Variants in KCNJ2 observed in about 807,000 individuals in gnomAD.
KCNJ2 encodes potassium inwardly rectifying channel subfamily J member 2.
In KCNJ2, 12 loss-of-function variants were observed where a neutral mutation model predicts 28.4. That is an observed-to-expected ratio of 0.42 (90% CI 0.27 to 0.68). The LOEUF (loss-of-function observed/expected upper bound fraction) is 0.68, where lower values mean the gene tolerates loss of function less well. Among genes scored for constraint, KCNJ2 ranks in the 30% least tolerant of loss-of-function variants. The pLI, the probability that KCNJ2 is intolerant of heterozygous loss-of-function variation, is 0.23. For synonymous variants in KCNJ2, 200 were observed against 203.2 expected, an observed-to-expected ratio of 0.98 and a Z score of 0.13; for missense variants, 320 against 551.3, an observed-to-expected ratio of 0.58 and a Z score of 4.20.
At chr17:70,169,868 A>T (rs2074355407) in intron 1 of KCNJ2, among the ~76,000 whole-genome samples, 167 bp downstream of exon 1, 1 of 152,052 alleles carries the variant, frequency 6.6e-6, no homozygotes, top group African/African-American at 2.4e-5. Flanking sequence ...TCATGCCTAT[A>T]TAGTTTGTGT....
chr17:70,172,230 C>G (rs534340270), intron 1 of KCNJ2, among the ~76,000 whole-genome samples: 1 of 138,116 alleles, frequency 7.2e-6, no homozygotes, highest in South Asian at 2.3e-4. Flanking sequence ...AGTCTGCATA[C>G]ATATATGTGT....
At position 70,176,370 on chromosome 17, in the gene KCNJ2, T is replaced by TGGTCAGAG. The variant is rs757826584; in HGVS notation, c.*49_*56dup. 1 of 1,565,878 alleles carries TGGTCAGAG rather than the reference T, an allele frequency of 6.4e-7. No individual in the cohort carries two copies. Among genetic ancestry groups the TGGTCAGAG allele is most frequent in the East Asian group, 2.2e-5 (1 of 44,654 alleles). Reference sequence around the variant, plus strand: ...ATAGTTACTTTACAACACGGTCTGTTGGTCAGAGGCCCAAAACAGTTATAC... The same window carrying TGGTCAGAG: ...ATAGTTACTTTACAACACGGTCTGTTGGTCAGAGGGTCAGAGGCCCAAAACAGTTATAC... On this transcript the variant is annotated 3_prime_UTR_variant, in exon 2 of 2. Transcript: ENST00000243457.
At chr17:70,173,317 T>C (rs236513) in intron 1 of KCNJ2, among the ~76,000 whole-genome samples, 25,153 of 152,194 alleles carry the variant, frequency 0.17, 2,374 homozygotes, top group African/African-American at 0.25. Flanking sequence ...TGTTTAATCT[T>C]AATGGATTTA....
At chr17:70,173,372 A>G (rs1287206527) in intron 1 of KCNJ2, among the ~76,000 whole-genome samples, 2 of 152,154 alleles carry the variant, frequency 1.3e-5, no homozygotes, top group Non-Finnish European at 2.9e-5. Flanking sequence ...GCATCAACAA[A>G]TTTCTGACTC....
rs1008031414 is a variant in KCNJ2 at position 70,178,609 on chromosome 17, C to A, written c.*2286C>A. 2 of 140,856 alleles carry A rather than the reference C, an allele frequency of 1.4e-5. No homozygotes were observed. The highest frequency in any genetic ancestry group is 6.3e-5 in the African/African-American group (2 of 31,928). The allele number at this position is 140,856 out of a possible 1,614,324, so 8.7% of individuals were successfully genotyped here. A position where few individuals can be genotyped will look rare whatever the true frequency, so the allele number is the denominator to read the frequency against. The stretch of plus-strand genomic sequence containing the variant: ...ACAAAAGAGGCTCCCCCTAAACACA[C>A]AGTGCTGCCACTTAAAAAGACTTGA... On this transcript the variant is annotated 3_prime_UTR_variant, in exon 2 of 2. Coordinates refer to ENST00000243457, the MANE Select transcript of KCNJ2 (RefSeq NM_000891.3).
In KCNJ2 at chr17:70,175,639, G is replaced by T. The variant is rs774551339; in HGVS notation, c.600G>T (p.Val200=). The T allele has an allele frequency of 1.9e-6, 3 of 1,614,104 alleles. No individual in the cohort carries two copies. Among genetic ancestry groups the T allele is most frequent in the Non-Finnish European group, 2.5e-6 (3 of 1,180,044 alleles). Residue 200 remains valine, a synonymous_variant, in exon 2 of 2, where the codon GTG becomes GTT. Coordinates refer to ENST00000243457, the MANE Select transcript of KCNJ2 (RefSeq NM_000891.3). This position sits in a 1 kb window ranked among gnomAD's most constrained non-coding sequence, Gnocchi z 8.3. Reference sequence around the variant, plus strand: ...CTCTTGTCTTCAGTCACAATGCCGTGATTGCCATGAGAGACGGCAAGCTGT... The same window carrying T: ...CTCTTGTCTTCAGTCACAATGCCGTTATTGCCATGAGAGACGGCAAGCTGT... ...NETLVFSHNA[V]IAMRDGKLCL...
rs1253551950 is a variant in KCNJ2 at position 70,179,790 on chromosome 17, TG to T, written c.*3469del. 6.0e-6 allele frequency: 1 copy of T among 166,916 alleles called. No homozygotes were observed. Among genetic ancestry groups the T allele is most frequent in the Non-Finnish European group, 1.5e-5 (1 of 68,102 alleles). The allele number at this position is 166,916 out of a possible 1,614,324, so 10.3% of individuals were successfully genotyped here. ...TGTTAAGGTGGGAAAAAAAAAAGTG[TG>T]GCATAGCTACCTGCCCATCCCCAAC... On this transcript the variant is annotated 3_prime_UTR_variant, in exon 2 of 2. Transcript: ENST00000243457.
At chr17:70,174,407 A>G (rs762894400) in intron 1 of KCNJ2, among the ~76,000 whole-genome samples, 1 of 152,214 alleles carries the variant, frequency 6.6e-6, no homozygotes, top group Non-Finnish European at 1.5e-5. Flanking sequence ...TTTTCTAAAC[A>G]TGTCCTTTTT....
intron 1 of KCNJ2, among the ~76,000 whole-genome samples, chr17:70,170,110 C>T (rs2074356967): frequency 6.6e-6 from 1 of 151,340 alleles, no homozygotes; most frequent in Admixed American, 6.6e-5. Flanking sequence ...CGTCTTGAGC[C>T]CTGGTCTTAA....
Position 70,176,523 on chromosome 17 carries a change from C to A in KCNJ2, c.*200C>A. The A allele has an allele frequency of 1.6e-6, 1 of 634,812 alleles. No individual in the cohort carries two copies. The allele number at this position is 634,812 out of a possible 1,614,324, so 39.3% of individuals were successfully genotyped here. On this transcript the variant is annotated 3_prime_UTR_variant, in exon 2 of 2. Coordinates refer to ENST00000243457, the MANE Select transcript of KCNJ2 (RefSeq NM_000891.3). The stretch of plus-strand genomic sequence containing the variant: ...AGCACTAACCATGTCTCCATGTGAC[C>A]CGATGGCACATAGATGTTGTAGAAT...
Position 70,176,510 on chromosome 17 carries a change from G to A in KCNJ2, c.*187G>A, listed in dbSNP as rs1465094188. Reference sequence around the variant, plus strand: ...ATGATTAGCATAAAGCACTAACCATGTCTCCATGTGACCCGATGGCACATA... The same window carrying A: ...ATGATTAGCATAAAGCACTAACCATATCTCCATGTGACCCGATGGCACATA... On this transcript the variant is annotated 3_prime_UTR_variant, in exon 2 of 2. Transcript: ENST00000243457. 3.0e-6 allele frequency: 2 copies of A among 656,000 alleles called. No homozygotes were observed. The highest frequency in any genetic ancestry group is 1.7e-5 in the South Asian group (1 of 57,526). 40.6% of individuals were successfully genotyped at this position (656,000 alleles called of 1,614,324 possible). A position where few individuals can be genotyped will look rare whatever the true frequency, so the allele number is the denominator to read the frequency against.
chr17:70,179,642 C>T lies in KCNJ2; in HGVS notation c.*3319C>T, dbSNP rs1011120068. ...TCTGTTTATTTGATGAGTTCTGTCC[C>T]GTAAATCATATTTCCCTTACAATTA... On this transcript the variant is annotated 3_prime_UTR_variant, in exon 2 of 2. Coordinates refer to ENST00000243457, the MANE Select transcript of KCNJ2 (RefSeq NM_000891.3). The T allele has an allele frequency of 1.8e-5, 3 of 166,254 alleles. No individual in the cohort carries two copies. Among genetic ancestry groups the T allele is most frequent in the Non-Finnish European group, 4.4e-5 (3 of 68,058 alleles). 10.3% of individuals were successfully genotyped at this position (166,254 alleles called of 1,614,324 possible). A position where few individuals can be genotyped will look rare whatever the true frequency, so the allele number is the denominator to read the frequency against.
In KCNJ2 at chr17:70,177,364, T is replaced by G. The variant is rs2074400519; in HGVS notation, c.*1041T>G. On this transcript the variant is annotated 3_prime_UTR_variant, in exon 2 of 2. Transcript: ENST00000243457. Reference sequence around the variant, plus strand: ...TCATGTGTAGTGTGCGAGATGGTGATGTACTCTTATATTTTTCTGGGCTTT... The same window carrying G: ...TCATGTGTAGTGTGCGAGATGGTGAGGTACTCTTATATTTTTCTGGGCTTT... 6.0e-6 allele frequency: 1 copy of G among 167,106 alleles called. No individual in the cohort carries two copies. Among genetic ancestry groups the G allele is most frequent in the Non-Finnish European group, 1.5e-5 (1 of 68,146 alleles). 10.4% of individuals were successfully genotyped at this position (167,106 alleles called of 1,614,324 possible). A position where few individuals can be genotyped will look rare whatever the true frequency, so the allele number is the denominator to read the frequency against.
At position 70,175,361 on chromosome 17, in the gene KCNJ2, C is replaced by G. The variant is rs371331394; in HGVS notation, c.322C>G (p.Leu108Val). ...TGGCTGTGTGTTTTGGTTGATAGCTCTGCTCCATGGGGACCTGGATGCATC... is the reference window on the plus strand; with the variant it reads ...TGGCTGTGTGTTTTGGTTGATAGCTGTGCTCCATGGGGACCTGGATGCATC... The part of the protein sequence containing the change: ...FFGCVFWLIA[L>V]LHGDLDASKE... Residue 108 changes from leucine to valine, a missense_variant, in exon 2 of 2, where the codon CTG becomes GTG. By Grantham distance (32) the Leu-to-Val change is conservative. Transcript: ENST00000243457. The surrounding 1 kb of genome is among the most constrained non-coding windows in gnomAD (Gnocchi z 8.3). 3 of 1,614,056 alleles carry G rather than the reference C, an allele frequency of 1.9e-6. No individual in the cohort carries two copies. The highest frequency in any genetic ancestry group is 3.3e-5 in the Admixed American group (2 of 59,990).
At position 70,175,036 on chromosome 17, in the gene KCNJ2, A is replaced by C. The variant is rs1392753849; in HGVS notation, c.-4A>C. 2 of 1,613,854 alleles carry C rather than the reference A, an allele frequency of 1.2e-6. No homozygotes were observed. The highest frequency in any genetic ancestry group is 1.7e-6 in the Non-Finnish European group (2 of 1,179,870). ...CAGAAGCACTGGAGTCCCCAGCAGA[A>C]GCGATGGGCAGTGTGCGAACCAACC... On this transcript the variant is annotated 5_prime_UTR_variant, in exon 2 of 2. Coordinates refer to ENST00000243457, the MANE Select transcript of KCNJ2 (RefSeq NM_000891.3). This position sits in a 1 kb window ranked among gnomAD's most constrained non-coding sequence, Gnocchi z 8.3.
Position 70,178,721 on chromosome 17 carries a change from A to G in KCNJ2, c.*2398A>G, listed in dbSNP as rs747435678. The G allele has an allele frequency of 1.2e-4, 20 of 166,980 alleles. No individual in the cohort carries two copies. Among genetic ancestry groups the G allele is most frequent in the Admixed American group, 2.6e-4 (4 of 15,286 alleles). 10.3% of individuals were successfully genotyped at this position (166,980 alleles called of 1,614,324 possible). ...ATTTCTGAAAAAGAGAAAAAAATAT[A>G]AAATTTCTGGTGCACAGGTTTGTTT... is the stretch of plus-strand genomic sequence containing the variant. On this transcript the variant is annotated 3_prime_UTR_variant, in exon 2 of 2. Coordinates refer to ENST00000243457, the MANE Select transcript of KCNJ2 (RefSeq NM_000891.3).
At position 70,175,444 on chromosome 17, in the gene KCNJ2, C is replaced by T; in HGVS notation, c.405C>T (p.Phe135=). The change falls in exon 2 of 2, where the codon TTC becomes TTT. Residue 135 remains phenylalanine (F), a synonymous_variant. Coordinates refer to ENST00000243457, the MANE Select transcript of KCNJ2 (RefSeq NM_000891.3). This position sits in a 1 kb window ranked among gnomAD's most constrained non-coding sequence, Gnocchi z 8.3. ...EVNSFTAAFL[F]SIETQTTIGY... ...ACAGCTTCACGGCTGCCTTCCTCTT[C>T]TCCATTGAGACCCAGACAACCATAG... 3 of 1,614,182 alleles carry T rather than the reference C, an allele frequency of 1.9e-6. No individual in the cohort carries two copies. The highest frequency in any genetic ancestry group is 2.2e-5 in the South Asian group (2 of 91,080).
rs2074395204 is a variant in KCNJ2 at position 70,176,629 on chromosome 17, A to G, written c.*306A>G. The G allele has an allele frequency of 2.3e-6, 1 of 435,990 alleles. No homozygotes were observed. Among genetic ancestry groups the G allele is most frequent in the Non-Finnish European group, 4.4e-6 (1 of 227,856 alleles). The allele number at this position is 435,990 out of a possible 1,614,324, so 27.0% of individuals were successfully genotyped here. On this transcript the variant is annotated 3_prime_UTR_variant, in exon 2 of 2. Coordinates refer to ENST00000243457, the MANE Select transcript of KCNJ2 (RefSeq NM_000891.3). ...CAAGCCTTGGTTGGGTATTTGATTT[A>G]TCCAGAATGCTTCTCTTTAGGGAAC...
Position 70,176,525 on chromosome 17 carries a change from G to A in KCNJ2, c.*202G>A, listed in dbSNP as rs1187489795. 4 of 632,868 alleles carry A rather than the reference G, an allele frequency of 6.3e-6. No homozygotes were observed. Among genetic ancestry groups the A allele is most frequent in the East Asian group, 2.8e-5 (1 of 36,134 alleles). 39.2% of individuals were successfully genotyped at this position (632,868 alleles called of 1,614,324 possible). A position where few individuals can be genotyped will look rare whatever the true frequency, so the allele number is the denominator to read the frequency against. ...CACTAACCATGTCTCCATGTGACCC[G>A]ATGGCACATAGATGTTGTAGAATAA... On this transcript the variant is annotated 3_prime_UTR_variant, in exon 2 of 2. Transcript: ENST00000243457.
Sources: gnomAD v4.1 joint callset for allele counts (sites outside exome capture counted in the v4.1 genomes callset) on GRCh38, gnomAD v4.1.1 for gene constraint, Gnocchi (gnomAD v3.1) non-coding constraint, MANE v1.5 for transcripts, NCBI Gene and HGNC (gene_info 2026-07-23, HGNC 2026-07-21) for gene names.